The following PPP4R2 variants were observed in gnomAD, a reference collection of about 807,000 sequenced individuals.
PPP4R2 encodes the protein protein phosphatase 4 regulatory subunit 2, also known as serine/threonine-protein phosphatase 4 regulatory subunit 2.
Under a neutral mutation model 47.2 loss-of-function variants are expected in PPP4R2, and 13 were observed. The ratio of observed to expected loss-of-function variants is 0.28; its 90% CI spans 0.18 to 0.44. The LOEUF is 0.44. PPP4R2 is among the 20% of genes least tolerant of loss of function. The probability of loss-of-function intolerance (pLI) is 1.00; values close to 1 mark genes in which losing one functional copy is unlikely to be tolerated. For missense variants in PPP4R2, 421 were observed against 491.2 expected, an observed-to-expected ratio of 0.86 and a Z score of 1.35; for synonymous variants, 151 against 163.3, an observed-to-expected ratio of 0.92 and a Z score of 0.57.
chr3:73,038,617 A>G (rs1175190368), intron 2 of PPP4R2, among the ~76,000 whole-genome samples: 1 of 152,182 alleles, frequency 6.6e-6, no homozygotes, highest in Non-Finnish European at 1.5e-5. Flanking sequence ...GTTGGTTTCA[A>G]AATCCTGACC....
At chr3:73,055,410 G>T (rs1379293605) in intron 3 of PPP4R2, among the ~76,000 whole-genome samples, 1 of 134,332 alleles carries the variant, frequency 7.4e-6, no homozygotes, top group Non-Finnish European at 1.6e-5. Flanking sequence ...GTCTCCTAGT[G>T]GGGTAGCGTG....
At chr3:73,008,772 A>G (rs532608364) in intron 2 of PPP4R2, among the ~76,000 whole-genome samples, 1 of 152,360 alleles carries the variant, frequency 6.6e-6, no homozygotes, top group South Asian at 2.1e-4. Context: ...CTGGGCATAA[A>G]TAGAATGAAT....
At chr3:73,008,431 T>C (rs546384400) in intron 2 of PPP4R2, among the ~76,000 whole-genome samples, 8 of 152,240 alleles carry the variant, frequency 5.3e-5, no homozygotes, top group Non-Finnish European at 1.2e-4. Flanking sequence ...TAATTTTTCT[T>C]ATCTTCATTC....
rs1478659993 is a variant in PPP4R2, at chr3:72,998,096, A to G, written c.54A>G (p.Lys18=). 6.2e-7 allele frequency: 1 copy of G among 1,605,206 alleles called. No homozygotes were observed. Among genetic ancestry groups the G allele is most frequent in the East Asian group, 2.2e-5 (1 of 44,808 alleles). Residue 18 remains lysine, a synonymous_variant, in exon 2 of 9, where the codon AAA becomes AAG. Coordinates refer to ENST00000356692, the MANE Select transcript of PPP4R2 (RefSeq NM_174907.4). The stretch of plus-strand genomic sequence containing the variant: ...ATCTAGATTTTGAGAAGAGGGGGAA[A>G]AAGGAAGTTTGTCCTGTCCTGGATC... ...EALKDFEKRG[K]KEVCPVLDQF... is the part of the protein sequence containing the mutation.
chr3:73,047,487 A>C (rs551750211), intron 3 of PPP4R2, 131 bp downstream of exon 3: 1 of 556,278 alleles, frequency 1.8e-6, no homozygotes, highest in Admixed American at 3.9e-5. Flanking sequence ...AGTGACATGT[A>C]GTAGTTGATG....
At chr3:73,005,219 G>A (rs1352184576) in intron 2 of PPP4R2, among the ~76,000 whole-genome samples, 2 of 151,982 alleles carry the variant, frequency 1.3e-5, no homozygotes, top group Non-Finnish European at 2.9e-5. Context: ...AGGATTACAG[G>A]TGTGAGCCAC....
chr3:73,050,112 TTTTG>T (rs1226680692), intron 3 of PPP4R2, among the ~76,000 whole-genome samples: 12 of 151,910 alleles, frequency 7.9e-5, no homozygotes, highest in Non-Finnish European at 1.2e-4. Flanking sequence ...GCTATGTTTT[TTTTG>T]TTTGTTTGTT....
chr3:73,038,970 C>T (rs1445909372), intron 2 of PPP4R2, among the ~76,000 whole-genome samples: 1 of 152,104 alleles, frequency 6.6e-6, no homozygotes, highest in Non-Finnish European at 1.5e-5. Flanking sequence ...AATACTTTCC[C>T]TTCAGAATTT....
chr3:73,005,337 C>CTT (rs34629247), intron 2 of PPP4R2, among the ~76,000 whole-genome samples: 4 of 128,168 alleles, frequency 3.1e-5, no homozygotes, highest in Non-Finnish European at 6.7e-5. Context: ...ATGGTGTGGT[C>CTT]TTTTTTTTTT....
chr3:73,010,065 A>G (rs752267973), intron 2 of PPP4R2, among the ~76,000 whole-genome samples: 5 of 152,198 alleles, frequency 3.3e-5, no homozygotes, highest in Non-Finnish European at 5.9e-5. Context: ...AACTCACACC[A>G]TTGACTATAA....
chr3:73,023,792 A>T (rs1470434545), intron 2 of PPP4R2, among the ~76,000 whole-genome samples: 1 of 152,154 alleles, frequency 6.6e-6, no homozygotes, highest in Non-Finnish European at 1.5e-5. Flanking sequence ...AGTCACCGTG[A>T]AAAATGAAAG....
intron 2 of PPP4R2, 76 bp from the exon 3 acceptor site, chr3:73,047,110 A>G: frequency 1.2e-6 from 1 of 824,290 alleles, no homozygotes; most frequent in South Asian, 1.9e-5. Context: ...GTCATAGTAT[A>G]TTTTATATTT....
At chr3:73,058,992 T>A in intron 3 of PPP4R2, 45 bp from the exon 4 acceptor site, 1 of 1,159,158 alleles carries the variant, frequency 8.6e-7, no homozygotes, top group Non-Finnish European at 1.3e-6. Context: ...CCTCGTTTTC[T>A]TGATTATCAG....
intron 3 of PPP4R2, among the ~76,000 whole-genome samples, chr3:73,048,914 A>C (rs888562598): frequency 3.3e-5 from 5 of 152,170 alleles, no homozygotes; most frequent in African/African-American, 9.7e-5. Context: ...GTCTGTTACA[A>C]AAATATTTTG....
At chr3:73,051,465 C>G (rs956618635) in intron 3 of PPP4R2, among the ~76,000 whole-genome samples, 1 of 151,996 alleles carries the variant, frequency 6.6e-6, no homozygotes, top group African/African-American at 2.4e-5. Flanking sequence ...CCCTTTATAT[C>G]TTCTTTTGAC....
At position 72,996,872 on chromosome 3, in the gene PPP4R2, C is replaced by A; in HGVS notation, c.-166C>A. The A allele has an allele frequency of 2.3e-6, 1 of 425,912 alleles. No homozygotes were observed. The allele number at this position is 425,912 out of a possible 1,614,324, so 26.4% of individuals were successfully genotyped here. On this transcript the variant is annotated 5_prime_UTR_variant, in exon 1 of 9. Coordinates refer to ENST00000356692, the MANE Select transcript of PPP4R2 (RefSeq NM_174907.4). ...GGAGGTGCTCGCTCTGTCGGTCTTG[C>A]TCTCTCGCACGCTTCCCCCGGCTCC...
intron 2 of PPP4R2, among the ~76,000 whole-genome samples, chr3:73,004,475 A>T (rs1315763111): frequency 6.6e-6 from 1 of 152,192 alleles, no homozygotes; most frequent in Non-Finnish European, 1.5e-5. Flanking sequence ...TTTATTTTTG[A>T]GACAGAGTCT....
chr3:73,022,302 A>G (rs1252915344), intron 2 of PPP4R2, among the ~76,000 whole-genome samples: 1 of 151,664 alleles, frequency 6.6e-6, no homozygotes, highest in Non-Finnish European at 1.5e-5. Flanking sequence ...TTATAAATGT[A>G]GCCCTTTAAG....
intron 2 of PPP4R2, among the ~76,000 whole-genome samples, chr3:73,020,701 C>G (rs1424753065): frequency 7.1e-6 from 1 of 141,424 alleles, no homozygotes; most frequent in Non-Finnish European, 1.6e-5. Flanking sequence ...AGTTAAAAAA[C>G]TTTTTTTGTA....
Sources: gnomAD v4.1 joint callset for allele counts (sites outside exome capture counted in the v4.1 genomes callset) on GRCh38, gnomAD v4.1.1 for gene constraint, MANE v1.5 for transcripts, NCBI Gene and HGNC (gene_info 2026-07-23, HGNC 2026-07-21) for gene names.